The following PRDM5 variants were observed in gnomAD, a reference collection of about 807,000 sequenced individuals.
The protein encoded by PRDM5 is PR domain zinc finger protein 5.
PRDM5 carries 56 observed loss-of-function variants against 81.2 expected under a neutral mutation model. The ratio of observed to expected loss-of-function variants is 0.69; its 90% CI spans 0.56 to 0.86. The LOEUF is 0.86. PRDM5 is among the 40% of genes least tolerant of loss of function. The pLI is 0.00. For missense variants in PRDM5, 697 were observed against 770.1 expected, an observed-to-expected ratio of 0.91 and a Z score of 1.12; for synonymous variants, 267 against 256.4, an observed-to-expected ratio of 1.04 and a Z score of -0.39.
chr4:120,915,750 C>T (rs1724075567), intron 1 of PRDM5, among the ~76,000 whole-genome samples: 1 of 152,088 alleles, frequency 6.6e-6, no homozygotes, highest in Non-Finnish European at 1.5e-5. Context: ...AAATGTTCAC[C>T]CACAAAAGAC....
At chr4:120,730,110 G>C (rs1380061379) in intron 14 of PRDM5, among the ~76,000 whole-genome samples, 1 of 152,128 alleles carries the variant, frequency 6.6e-6, no homozygotes, top group Non-Finnish European at 1.5e-5. Context: ...TTTAAGATAA[G>C]CTAATTTCCA....
At chr4:120,708,128 C>T (rs778246411) in intron 15 of PRDM5, among the ~76,000 whole-genome samples, 1 of 151,918 alleles carries the variant, frequency 6.6e-6, no homozygotes, top group Non-Finnish European at 1.5e-5. Flanking sequence ...TACCATATGC[C>T]TCAGCAATTC....
downstream of PRDM5, among the ~76,000 whole-genome samples, chr4:120,684,757 AGAATAATTACAT>A (rs1368135757): frequency 5.3e-5 from 8 of 152,016 alleles, no homozygotes; most frequent in Admixed American, 1.3e-4. Context: ...ATTATCTCAA[AGAATAATTACAT>A]GAATAATTAC....
chr4:120,729,624 G>A (rs1470937877), intron 14 of PRDM5, among the ~76,000 whole-genome samples: 4 of 152,218 alleles, frequency 2.6e-5, no homozygotes, highest in Non-Finnish European at 5.9e-5. Context: ...GATTTCCTAC[G>A]ATAAAAAGAA....
At chr4:120,766,222 G>A (rs1849075) in intron 13 of PRDM5, among the ~76,000 whole-genome samples, 7,048 of 152,222 alleles carry the variant, frequency 0.046, 324 homozygotes, top group Middle Eastern at 0.15. Context: ...GCCTCCCAAA[G>A]TGCTGGGATT....
downstream of PRDM5, among the ~76,000 whole-genome samples, chr4:120,689,344 G>A (rs1056300718): frequency 6.6e-6 from 1 of 152,228 alleles, no homozygotes; most frequent in Middle Eastern, 3.4e-3. Flanking sequence ...ATAAGAGATG[G>A]ATTTTATGCG....
At chr4:120,843,357 T>C (rs1220800061) in intron 3 of PRDM5, among the ~76,000 whole-genome samples, 1 of 151,388 alleles carries the variant, frequency 6.6e-6, no homozygotes, top group African/African-American at 2.4e-5. Context: ...AATTAATTAA[T>C]TTAATTTAAT....
chr4:120,783,413 C>A (rs1220444197), intron 11 of PRDM5, among the ~76,000 whole-genome samples: 1 of 152,036 alleles, frequency 6.6e-6, no homozygotes, highest in Non-Finnish European at 1.5e-5. Context: ...TCACTTTAAT[C>A]CTATTTCTCA....
At chr4:120,742,336 G>GA (rs1742162710) in intron 14 of PRDM5, among the ~76,000 whole-genome samples, 1 of 152,180 alleles carries the variant, frequency 6.6e-6, no homozygotes, top group South Asian at 2.1e-4. Context: ...GGAAAAAACA[G>GA]AACAGAAAAA....
intron 2 of PRDM5, among the ~76,000 whole-genome samples, chr4:120,869,397 TGTA>T (rs1761548696): frequency 6.6e-6 from 1 of 152,238 alleles, no homozygotes; most frequent in East Asian, 1.9e-4. Context: ...GGTTTTCACT[TGTA>T]GAAAATACAA....
chr4:120,797,900 A>C (rs1362640797), intron 10 of PRDM5, among the ~76,000 whole-genome samples: 1 of 152,206 alleles, frequency 6.6e-6, no homozygotes, highest in Non-Finnish European at 1.5e-5. Context: ...AATTGGCAGA[A>C]GACCTAGCAG....
chr4:120,771,460 T>C (rs1012524270), intron 13 of PRDM5, among the ~76,000 whole-genome samples: 3 of 152,146 alleles, frequency 2.0e-5, no homozygotes, highest in African/African-American at 7.2e-5. Flanking sequence ...TAAACATGTA[T>C]TAAAAAGAAT....
chr4:120,863,191 T>TATATACACACACACACACAC (rs1553997193), intron 2 of PRDM5, among the ~76,000 whole-genome samples: 13 of 70,318 alleles, frequency 1.8e-4, no homozygotes, highest in East Asian at 7.4e-4. Flanking sequence ...TATATATATA[T>TATATACACACACACACACAC]ACACACACAC....
rs1262209055 is a variant in PRDM5 at position 120,695,091 on chromosome 4, T to G, written c.*20A>C. On this transcript the variant is annotated 3_prime_UTR_variant, in exon 16 of 16. Transcript: ENST00000264808. ...ATATTAGGAGCCCTTCTGAATAGTT[T>G]AATTCCTTTACAGCCCCTATTAGCT... 1.2e-6 allele frequency: 2 copies of G among 1,607,774 alleles called. No homozygotes were observed. The highest frequency in any genetic ancestry group is 1.7e-4 in the Middle Eastern group (1 of 6,046).
At chr4:120,735,001 CAGTT>C (rs971866347) in intron 14 of PRDM5, among the ~76,000 whole-genome samples, 46 of 152,280 alleles carry the variant, frequency 3.0e-4, no homozygotes, top group Non-Finnish European at 1.3e-4. Context: ...GACTCTGTAA[CAGTT>C]AGTTGGCCAT....
intron 2 of PRDM5, 90 bp downstream of exon 2, chr4:120,907,384 G>T: frequency 9.5e-7 from 1 of 1,057,364 alleles, no homozygotes; most frequent in Non-Finnish European, 1.4e-6. Flanking sequence ...ATACTTAACT[G>T]GAATCAATAT....
chr4:120,876,973 C>T (rs961712384), intron 2 of PRDM5, among the ~76,000 whole-genome samples: 2 of 152,148 alleles, frequency 1.3e-5, no homozygotes, highest in African/African-American at 2.4e-5. Context: ...TCTTGTAAAA[C>T]TCTAAATAGG....
chr4:120,903,533 T>C (rs1382237474), intron 2 of PRDM5, among the ~76,000 whole-genome samples: 1 of 152,198 alleles, frequency 6.6e-6, no homozygotes, highest in Non-Finnish European at 1.5e-5. Flanking sequence ...TCTTGAAATG[T>C]TCCCTCTAGA....
chr4:120,833,124 G>A lies in PRDM5; in HGVS notation c.301-11779C>T, dbSNP rs1901134. Among the ~76,000 whole-genome samples, 1,181 of 152,190 alleles carry A rather than the reference G, an allele frequency of 7.8e-3. 15 individuals carry two copies. Among genetic ancestry groups the A allele is most frequent in the African/African-American group, 0.027 (1,116 of 41,524 alleles). Reference sequence around the variant, plus strand: ...TAGCCCCCTTCTTATCTGCACTTTCGCTTTCTGCTGTTTCAGTTACACTTG... The same window carrying A: ...TAGCCCCCTTCTTATCTGCACTTTCACTTTCTGCTGTTTCAGTTACACTTG... On this transcript the variant is annotated intron_variant, in intron 3 of 15. Transcript: ENST00000264808.
Sources: allele counts gnomAD v4.1 joint callset (sites outside exome capture counted in the v4.1 genomes callset), GRCh38; gene constraint gnomAD v4.1.1; transcripts MANE v1.5; gene names NCBI Gene and HGNC (gene_info 2026-07-23, HGNC 2026-07-21).